NUP155: variants seen among roughly 807,000 people sequenced by gnomAD.
NUP155 encodes nucleoporin 155.
A neutral mutation model predicts 180.4 loss-of-function variants in NUP155; 71 were observed. The ratio of observed to expected loss-of-function variants is 0.39; its 90% CI spans 0.33 to 0.48. NUP155 has a LOEUF of 0.48. Among genes scored for constraint, NUP155 ranks in the 20% least tolerant of loss-of-function variants. The pLI is 0.91. For synonymous variants in NUP155, 582 were observed against 559.5 expected, an observed-to-expected ratio of 1.04 and a Z score of -0.57; for missense variants, 1,553 against 1,648.9, an observed-to-expected ratio of 0.94 and a Z score of 1.01.
chr5:37,344,991 A>C (rs974400874), intron 9 of NUP155, among the ~76,000 whole-genome samples: 1 of 150,848 alleles, frequency 6.6e-6, no homozygotes, highest in Non-Finnish European at 1.5e-5. Context: ...AAGACCAGCC[A>C]GGGCAACATG....
Position 37,327,631 on chromosome 5 carries a change from C to T in NUP155, c.2022G>A (p.Met674Ile). The change falls in exon 18 of 35, where the codon ATG (methionine) becomes ATA (isoleucine). Residue 674 changes from methionine to isoleucine, a missense_variant and splice_region_variant. Met to Ile is a conservative substitution (Grantham distance 10). Coordinates refer to ENST00000231498, the MANE Select transcript of NUP155 (RefSeq NM_153485.3). ...NGICIYFSRI[M>I]GNIWDASLVV... ...TCATTATTTCATGACAAACTTACCC[C>T]ATGATCCGAGAAAAGTAAATGCAAA... The T allele has an allele frequency of 1.2e-6, 2 of 1,614,072 alleles. No individual in the cohort carries two copies. The highest frequency in any genetic ancestry group is 1.7e-6 in the Non-Finnish European group (2 of 1,179,980).
At chr5:37,366,896 C>T (rs536964007) in intron 1 of NUP155, among the ~76,000 whole-genome samples, 8 of 151,930 alleles carry the variant, frequency 5.3e-5, no homozygotes, top group Admixed American at 2.6e-4. Context: ...GTGATCTGCC[C>T]GCTTCGGCCT....
chr5:37,295,459 C>A (rs371004124), intron 32 of NUP155, among the ~76,000 whole-genome samples: 1 of 152,052 alleles, frequency 6.6e-6, no homozygotes, highest in African/African-American at 2.4e-5. Context: ...AGCCTCTGCC[C>A]GGCCGCCACC....
At chr5:37,355,533 A>ATGTGTG (rs530957145) in intron 4 of NUP155, among the ~76,000 whole-genome samples, 16 of 148,058 alleles carry the variant, frequency 1.1e-4, no homozygotes, top group African/African-American at 2.5e-4. Context: ...CGGTTAAAGA[A>ATGTGTG]TGTGTGTGTG....
chr5:37,327,762 C>G lies in NUP155; in HGVS notation c.1891G>C (p.Ala631Pro). Residue 631 changes from alanine to proline, a missense_variant, in exon 18 of 35, where the codon GCC (alanine) becomes CCC (proline). Coordinates refer to ENST00000231498, the MANE Select transcript of NUP155 (RefSeq NM_153485.3). The part of the protein sequence containing the change: ...GTPSHGIQPP[A>P]MSTPVCALGN... Reference sequence around the variant, plus strand: ...AGAGCACACACTGGAGTTGACATGGCAGGAGGCTGTATACCTTGTACACAC... The same window carrying G: ...AGAGCACACACTGGAGTTGACATGGGAGGAGGCTGTATACCTTGTACACAC... 1 of 1,614,064 alleles carries G rather than the reference C, an allele frequency of 6.2e-7. No homozygotes were observed. Among genetic ancestry groups the G allele is most frequent in the Non-Finnish European group, 8.5e-7 (1 of 1,179,988 alleles).
chr5:37,334,663 C>T (rs1334682794), intron 12 of NUP155, among the ~76,000 whole-genome samples: 4 of 152,074 alleles, frequency 2.6e-5, no homozygotes, highest in Admixed American at 1.3e-4. Context: ...GGATTACAGG[C>T]GTGAGCCACC....
intron 1 of NUP155, 100 bp downstream of exon 1, chr5:37,370,721 T>G (rs1747906055): frequency 1.9e-6 from 3 of 1,611,654 alleles, no homozygotes; most frequent in Non-Finnish European, 2.5e-6. Flanking sequence ...GCCATAAATC[T>G]CAGCATATCC....
intron 20 of NUP155, among the ~76,000 whole-genome samples, chr5:37,320,102 G>A (rs1744147954): frequency 1.3e-5 from 2 of 151,924 alleles, no homozygotes; most frequent in African/African-American, 4.8e-5. Context: ...GAGATTGCAG[G>A]GAATAATGAT....
chr5:37,352,926 G>A (rs1746564272), intron 4 of NUP155, 97 bp from the exon 5 acceptor site: 1 of 795,156 alleles, frequency 1.3e-6, no homozygotes, highest in Non-Finnish European at 2.2e-6. Flanking sequence ...TAATTAAATG[G>A]TATATGAAAA....
intron 11 of NUP155, among the ~76,000 whole-genome samples, chr5:37,340,792 T>C (rs1043003967): frequency 5.3e-5 from 8 of 152,210 alleles, no homozygotes; most frequent in African/African-American, 1.7e-4. Flanking sequence ...CTTTCAACTT[T>C]TGAATTTCAC....
intron 25 of NUP155, among the ~76,000 whole-genome samples, chr5:37,306,766 A>G (rs1743179982): frequency 6.6e-6 from 1 of 152,102 alleles, no homozygotes; most frequent in African/African-American, 2.4e-5. Context: ...TGCCTGGCCT[A>G]TATTTCTTTT....
intron 21 of NUP155, among the ~76,000 whole-genome samples, 167 bp from the exon 22 acceptor site, chr5:37,314,495 G>GTA (rs1041438714): frequency 5.3e-5 from 8 of 152,028 alleles, no homozygotes; most frequent in African/African-American, 9.7e-5. Flanking sequence ...CTCCGTGTGT[G>GTA]TATATATATA....
chr5:37,304,534 C>CA (rs1463238269), intron 27 of NUP155, among the ~76,000 whole-genome samples: 1 of 152,120 alleles, frequency 6.6e-6, no homozygotes, highest in African/African-American at 2.4e-5. Context: ...CAAACTATCC[C>CA]AATCAGCTTC....
intron 21 of NUP155, among the ~76,000 whole-genome samples, chr5:37,316,219 A>G (rs1281420914): frequency 6.6e-6 from 1 of 152,248 alleles, no homozygotes; most frequent in Non-Finnish European, 1.5e-5. Flanking sequence ...ATATGCACAT[A>G]TACACAATAG....
At chr5:37,309,306 A>C (rs1256041858) in intron 23 of NUP155, 39 bp from the exon 24 acceptor site, 1 of 1,563,062 alleles carries the variant, frequency 6.4e-7, no homozygotes, top group South Asian at 1.1e-5. Context: ...AATATATAAA[A>C]TCAAGCAGAC....
chr5:37,305,754 C>A (rs865785744), intron 25 of NUP155, among the ~76,000 whole-genome samples: 10 of 151,912 alleles, frequency 6.6e-5, no homozygotes, highest in Admixed American at 1.3e-4. Context: ...CACCTGTAAT[C>A]CCAGCTACTT....
At chr5:37,327,018 C>T in intron 18 of NUP155, 1 of 154,934 alleles carries the variant, frequency 6.5e-6, no homozygotes, top group Non-Finnish European at 1.4e-5. Flanking sequence ...TATGATGATC[C>T]ATTGCCACTT....
chr5:37,350,975 T>A (rs1040011646), intron 6 of NUP155, among the ~76,000 whole-genome samples: 3 of 152,168 alleles, frequency 2.0e-5, no homozygotes, highest in Non-Finnish European at 4.4e-5. Context: ...TGCCTTATGT[T>A]CCACGAGGAC....
intron 11 of NUP155, among the ~76,000 whole-genome samples, chr5:37,340,045 C>T (rs1363677277): frequency 6.6e-6 from 1 of 152,208 alleles, no homozygotes; most frequent in Non-Finnish European, 1.5e-5. Context: ...AGGCGTGAGC[C>T]ACTGCACCCG....
Sources: allele counts gnomAD v4.1 joint callset (sites outside exome capture counted in the v4.1 genomes callset), GRCh38; gene constraint gnomAD v4.1.1; transcripts MANE v1.5; gene names NCBI Gene and HGNC (gene_info 2026-07-23, HGNC 2026-07-21).